DDX60: variants seen among roughly 807,000 people sequenced by gnomAD.
DDX60 encodes probable ATP-dependent RNA helicase DDX60.
Under a neutral mutation model 212.8 loss-of-function variants are expected in DDX60, and 165 were observed. The ratio of observed to expected loss-of-function variants is 0.78; its 90% CI spans 0.68 to 0.88. DDX60 has a LOEUF of 0.88. Ranked by LOEUF, DDX60 falls within the 40% of genes least tolerant of loss-of-function variation. The pLI is 0.00. For missense variants in DDX60, 1,905 were observed against 2,003.9 expected, an observed-to-expected ratio of 0.95 and a Z score of 0.94; for synonymous variants, 703 against 685.3, an observed-to-expected ratio of 1.03 and a Z score of -0.40.
upstream of DDX60, among the ~76,000 whole-genome samples, chr4:168,319,514 A>C (rs894941552): frequency 8.5e-5 from 13 of 152,176 alleles, no homozygotes; most frequent in Non-Finnish European, 1.9e-4. Flanking sequence ...ATAAACTGTA[A>C]TTGGTACTTT....
At chr4:168,325,314 T>C in the DDX60 span, among the ~76,000 whole-genome samples, 1 of 152,192 alleles carries the variant, frequency 6.6e-6, no homozygotes, top group African/African-American at 2.4e-5. Context: ...CTACAATAGG[T>C]TTCTACAAAG....
chr4:168,232,615 C>T (rs372390467), intron 33 of DDX60, among the ~76,000 whole-genome samples: 35 of 152,080 alleles, frequency 2.3e-4, no homozygotes, highest in African/African-American at 8.2e-4. Context: ...GGGGAAAGGA[C>T]ACCCTATTCA....
rs529509227 is a variant in DDX60, at chr4:168,235,951, T to G, written c.4533+301A>C. ...TGATACAGCTAGATGTTTCACTTAA[T>G]GTATAATTAGCATATCTTTTCTTTA... On this transcript the variant is annotated intron_variant, in intron 33 of 37. Transcript: ENST00000393743. 2.8e-5 allele frequency: 8 copies of G among 282,110 alleles called. No homozygotes were observed. The South Asian group carries it at 3.3e-4, about 12-fold the overall frequency. The allele number at this position is 282,110 out of a possible 1,614,324, so 17.5% of individuals were successfully genotyped here. A position where few individuals can be genotyped will look rare whatever the true frequency, so the allele number is the denominator to read the frequency against.
intron 29 of DDX60, among the ~76,000 whole-genome samples, chr4:168,247,888 A>C (rs1358633415): frequency 6.6e-6 from 1 of 152,220 alleles, no homozygotes; most frequent in Non-Finnish European, 1.5e-5. Context: ...CATACAAATC[A>C]CTTATTTAAT....
rs763335214 is a variant in DDX60, at chr4:168,237,364, G to A, written c.4333C>T (p.His1445Tyr). 1.9e-6 allele frequency: 3 copies of A among 1,599,900 alleles called. No homozygotes were observed. The highest frequency in any genetic ancestry group is 1.7e-5 in the Admixed American group (1 of 58,146). The change falls in exon 32 of 38, where the codon CAT (histidine) becomes TAT (tyrosine). Residue 1445 changes from histidine to tyrosine, a missense_variant. By Grantham distance (83) the His-to-Tyr change is moderately conservative. Coordinates refer to ENST00000393743, the MANE Select transcript of DDX60 (RefSeq NM_017631.6). ...ACAAAAACAAGATTAGAAGGTTCAT[G>A]ATAATGCAAATGTGATACAAGTCCA... Reference protein sequence around the residue: ...FAGLVSHLHYHEPSNLVFVSF... With the variant: ...FAGLVSHLHYYEPSNLVFVSF...
chr4:168,222,831 CTG>C (rs1733109218), intron 35 of DDX60, among the ~76,000 whole-genome samples: 1 of 152,034 alleles, frequency 6.6e-6, no homozygotes, highest in Admixed American at 6.6e-5. Context: ...CATAGCAACA[CTG>C]TGTGTAATAG....
At chr4:168,259,899 A>G (rs1329635961) in intron 25 of DDX60, among the ~76,000 whole-genome samples, 1 of 152,012 alleles carries the variant, frequency 6.6e-6, no homozygotes, top group Non-Finnish European at 1.5e-5. Context: ...CTTTAATTTT[A>G]TGTGGGATAC....
At chr4:168,236,824 A>G (rs1369871473) in intron 32 of DDX60, among the ~76,000 whole-genome samples, 1 of 151,852 alleles carries the variant, frequency 6.6e-6, no homozygotes, top group East Asian at 1.9e-4. Context: ...CTATTTAGGT[A>G]TACTATACAA....
chr4:168,268,078 T>C (rs1284748781), intron 20 of DDX60, 95 bp from the exon 21 acceptor site: 5 of 1,096,072 alleles, frequency 4.6e-6, no homozygotes, highest in African/African-American at 1.6e-5. Context: ...ATCTTCCTTA[T>C]AAAGTGTACT....
At chr4:168,305,738 A>T (rs1736848263) in intron 5 of DDX60, among the ~76,000 whole-genome samples, 1 of 151,672 alleles carries the variant, frequency 6.6e-6, no homozygotes, top group Non-Finnish European at 1.5e-5. Flanking sequence ...AAATATACTA[A>T]TGTATCAAAA....
At chr4:168,242,470 C>T (rs112144648) in intron 30 of DDX60, among the ~76,000 whole-genome samples, 1 of 152,184 alleles carries the variant, frequency 6.6e-6, no homozygotes. Context: ...TGGGAGCCCA[C>T]CTCTTGCATC....
At chr4:168,318,902 G>C (rs528789688), upstream of DDX60, 5 of 152,342 alleles carry the variant, frequency 3.3e-5, no homozygotes, top group African/African-American at 9.6e-5. Context: ...CCTTCAATCA[G>C]AATCTTAAGA....
chr4:168,229,980 C>T (rs1459889803), intron 33 of DDX60, among the ~76,000 whole-genome samples: 5 of 152,024 alleles, frequency 3.3e-5, no homozygotes, highest in Non-Finnish European at 7.4e-5. Flanking sequence ...AAGAGACTCA[C>T]CTAACACATA....
intron 5 of DDX60, among the ~76,000 whole-genome samples, chr4:168,303,360 A>C (rs1225227246): frequency 6.6e-6 from 1 of 152,028 alleles, no homozygotes; most frequent in Non-Finnish European, 1.5e-5. Flanking sequence ...TACTGTTAAA[A>C]CTCAGATTTA....
At position 168,302,397 on chromosome 4, in the gene DDX60, T is replaced by C. The variant is rs548428771; in HGVS notation, c.626A>G (p.Asp209Gly). ...FSWKNKQNIK[D>G]AYTTLLNQLE... is the part of the protein sequence containing the mutation. ...CTGGTTAAGCAGGGTTGTATAAGCA[T>C]CTTTAATGTTCTGCTTATTCTGTAA... The change falls in exon 6 of 38, where the codon GAT becomes GGT. Residue 209 changes from aspartate (D) to glycine (G), a missense_variant. Asp to Gly is a moderately conservative substitution (Grantham distance 94). Transcript: ENST00000393743. 2 of 1,530,898 alleles carry C rather than the reference T, an allele frequency of 1.3e-6. No individual in the cohort carries two copies. The highest frequency in any genetic ancestry group is 8.8e-7 in the Non-Finnish European group (1 of 1,136,510). The allele number at this position is 1,530,898 out of a possible 1,614,324, so 94.8% of individuals were successfully genotyped here.
chr4:168,297,297 C>A lies in DDX60; in HGVS notation c.724-3352G>T, dbSNP rs568549629. ...AGAAAGAAAGAAAGAGAGAGAGAGA[C>A]GAAAGAAAGAAAGAAAGAAAGAAAG... On this transcript the variant is annotated intron_variant, in intron 6 of 37. Coordinates refer to ENST00000393743, the MANE Select transcript of DDX60 (RefSeq NM_017631.6). 9.2e-4 allele frequency among the ~76,000 whole-genome samples: 62 copies of A among 67,468 alleles called. 1 individual carries two copies. The highest frequency in any genetic ancestry group is 3.7e-3 in the African/African-American group (60 of 16,256). The allele number at this position is 67,468 out of a possible 152,430, so 44.3% of individuals were successfully genotyped here.
chr4:168,223,946 GAC>G (rs1443050605), intron 35 of DDX60, among the ~76,000 whole-genome samples: 8 of 151,978 alleles, frequency 5.3e-5, no homozygotes, highest in Non-Finnish European at 1.2e-4. Context: ...AAAGTCTGAA[GAC>G]AGTTTTATGT....
chr4:168,224,059 A>G (rs969070766), intron 35 of DDX60, among the ~76,000 whole-genome samples, 184 bp downstream of exon 35: 9 of 152,128 alleles, frequency 5.9e-5, no homozygotes, highest in African/African-American at 1.9e-4. Flanking sequence ...CCTCAGGCCA[A>G]CTCTGAGAAA....
chr4:168,274,676 G>C (rs474865), intron 16 of DDX60, among the ~76,000 whole-genome samples: 16,775 of 152,144 alleles, frequency 0.11, 1,161 homozygotes, highest in African/African-American at 0.19. Context: ...GAGAGCATTA[G>C]TGCCTCTAGT....
Sources: allele counts gnomAD v4.1 joint callset (sites outside exome capture counted in the v4.1 genomes callset), GRCh38; gene constraint gnomAD v4.1.1; transcripts MANE v1.5; gene names NCBI Gene and HGNC (gene_info 2026-07-23, HGNC 2026-07-21).